The following SLC7A14 variants were observed in gnomAD, a reference collection of about 807,000 sequenced individuals.
SLC7A14 encodes gamma-aminobutyric acid transporter SLC7A14.
Under a neutral mutation model 60.2 loss-of-function variants are expected in SLC7A14, and 37 were observed. The observed-to-expected ratio is 0.61, with a 90% CI of 0.47 to 0.81. SLC7A14 has a LOEUF of 0.81. Ranked by LOEUF, SLC7A14 falls within the 30% of genes least tolerant of loss-of-function variation. The pLI, the probability that SLC7A14 is intolerant of heterozygous loss-of-function variation, is 0.00. For synonymous variants in SLC7A14, 399 were observed against 395.8 expected (o/e 1.01, Z -0.10); for missense variants, 886 against 982.7 (o/e 0.90, Z 1.32).
chr3:170,498,648 G>A lies in SLC7A14; in HGVS notation c.759+19C>T. 1 of 1,612,058 alleles carries A rather than the reference G, an allele frequency of 6.2e-7. No homozygotes were observed. The highest frequency in any genetic ancestry group is 8.5e-7 in the Non-Finnish European group (1 of 1,178,382). The stretch of plus-strand genomic sequence containing the variant: ...GCAGAGTGTGTGACAGGCACACCAG[G>A]TGTTTGGAACAAACTTACCCCTGAC... On this transcript the variant is annotated intron_variant, in intron 4 of 7. Coordinates refer to ENST00000231706, the MANE Select transcript of SLC7A14 (RefSeq NM_020949.3).
intron 4 of SLC7A14, among the ~76,000 whole-genome samples, chr3:170,492,678 C>T (rs1252910114): frequency 6.6e-6 from 1 of 152,136 alleles, no homozygotes; most frequent in Non-Finnish European, 1.5e-5. Flanking sequence ...AGTTAATTGT[C>T]AAAAGCAATG....
rs1033857158 is a variant in SLC7A14 at position 170,497,214 on chromosome 3, GT to G, written c.759+1452del. Among the ~76,000 whole-genome samples, 8 of 152,050 alleles carry G rather than the reference GT, an allele frequency of 5.3e-5. No homozygotes were observed. In the East Asian group the frequency reaches 1.2e-3, roughly 22 times the overall value. ...TCTCTTATATGATAGGAAAGGAACA[GT>G]TTGTATCATAAGATAATATAGATCT... On this transcript the variant is annotated intron_variant, in intron 4 of 7. Transcript: ENST00000231706.
chr3:170,549,606 C>T (rs1244441562), intron 1 of SLC7A14, among the ~76,000 whole-genome samples: 1 of 152,136 alleles, frequency 6.6e-6, no homozygotes, highest in East Asian at 1.9e-4. Context: ...GTTTAAATAT[C>T]GCCAGTGTGA....
rs138794863 is a variant in SLC7A14, at chr3:170,576,697, G to A, written c.-153+9214C>T. On this transcript the variant is annotated intron_variant, in intron 1 of 7. Coordinates refer to ENST00000231706, the MANE Select transcript of SLC7A14 (RefSeq NM_020949.3). The stretch of plus-strand genomic sequence containing the variant: ...CCAGGAACAGCACATTACTTAGAGC[G>A]GTATTTTTCAGTGGGGGTGGAGTGC... Among the ~76,000 whole-genome samples the A allele has an allele frequency of 3.8e-4, 58 of 152,238 alleles. No homozygotes were observed. The East Asian group carries it at 5.0e-3, about 13-fold the overall frequency.
intron 1 of SLC7A14, among the ~76,000 whole-genome samples, chr3:170,550,561 G>A (rs1263164865): frequency 2.0e-5 from 2 of 99,974 alleles, no homozygotes; most frequent in African/African-American, 9.5e-5. Context: ...CGCTTTTGTC[G>A]CCCAGGCTGG....
chr3:170,491,776 A>G (rs1712228890), intron 4 of SLC7A14, among the ~76,000 whole-genome samples: 1 of 152,148 alleles, frequency 6.6e-6, no homozygotes, highest in Non-Finnish European at 1.5e-5. Context: ...TTCTGACTTG[A>G]TAGTATTTCC....
intron 1 of SLC7A14, among the ~76,000 whole-genome samples, chr3:170,545,695 C>A (rs1341087936): frequency 2.6e-5 from 4 of 152,188 alleles, no homozygotes; most frequent in African/African-American, 9.7e-5. Context: ...AAAGTTATAG[C>A]CACCTCAATC....
At chr3:170,541,720 G>A (rs147144133) in intron 1 of SLC7A14, among the ~76,000 whole-genome samples, 1 of 152,266 alleles carries the variant, frequency 6.6e-6, no homozygotes, top group African/African-American at 2.4e-5. Context: ...GTTAAAAATG[G>A]GGAATCTATG....
chr3:170,554,673 G>A (rs1027725183), intron 1 of SLC7A14, among the ~76,000 whole-genome samples: 1 of 152,118 alleles, frequency 6.6e-6, no homozygotes, highest in Non-Finnish European at 1.5e-5. Context: ...TCTGCCCCAC[G>A]GCAGATGTTC....
intron 2 of SLC7A14, among the ~76,000 whole-genome samples, chr3:170,503,613 A>G (rs924325620): frequency 2.0e-5 from 3 of 152,118 alleles, no homozygotes; most frequent in African/African-American, 7.2e-5. Context: ...CAACTTTACC[A>G]CCTGATATTG....
intron 1 of SLC7A14, among the ~76,000 whole-genome samples, chr3:170,581,191 G>T (rs1044053224): frequency 5.9e-5 from 9 of 152,148 alleles, no homozygotes; most frequent in Non-Finnish European, 1.0e-4. Context: ...ATCAATGCAT[G>T]AAATAGAATT....
At chr3:170,573,897 T>C (rs779976578) in intron 1 of SLC7A14, among the ~76,000 whole-genome samples, 4 of 152,222 alleles carry the variant, frequency 2.6e-5, no homozygotes, top group Non-Finnish European at 4.4e-5. Context: ...GGTCCTGCTA[T>C]TAGGAAGGAA....
chr3:170,535,486 TCAGGAATTTAGGCACAAGG>T lies in SLC7A14; in HGVS notation c.-152-8417_-152-8399del, dbSNP rs1425781758. On this transcript the variant is annotated intron_variant, in intron 1 of 7. Transcript: ENST00000231706. The surrounding 1 kb of genome is among the most constrained non-coding windows in gnomAD (Gnocchi z 4.3). ...ATAAATTATTGTAATCTACAGAATA[TCAGGAATTTAGGCACAAGG>T]CAGCTTCAGGGAGTGCGAGTGTCCT... 6.6e-6 allele frequency among the ~76,000 whole-genome samples: 1 copy of T among 152,160 alleles called. No individual in the cohort carries two copies. The highest frequency in any genetic ancestry group is 1.9e-4 in the East Asian group (1 of 5,188).
In SLC7A14 at chr3:170,546,527, T is replaced by G. The variant is rs190513701; in HGVS notation, c.-152-19439A>C. On this transcript the variant is annotated intron_variant, in intron 1 of 7. Transcript: ENST00000231706. ...TAACGGGAAAAAGTTTATATGGTGG[T>G]ATGAACAGAGAAGGAGAAAGAGATA... Among the ~76,000 whole-genome samples the G allele has an allele frequency of 3.4e-3, 510 of 152,236 alleles. 4 individuals are homozygous for G. The highest frequency in any genetic ancestry group is 0.01 in the Middle Eastern group (3 of 294).
intron 2 of SLC7A14, among the ~76,000 whole-genome samples, chr3:170,505,476 T>G (rs1049338121): frequency 6.6e-6 from 1 of 152,200 alleles, no homozygotes; most frequent in African/African-American, 2.4e-5. Context: ...AAAAATCAAG[T>G]GCGTAGGAAG....
rs1308518515 is a variant in SLC7A14 at position 170,462,270 on chromosome 3, C to T, written c.*4785G>A. On this transcript the variant is annotated 3_prime_UTR_variant, in exon 8 of 8. Transcript: ENST00000231706. The stretch of plus-strand genomic sequence containing the variant: ...CCTGATGTAGCTTCTGTTTATGTTG[C>T]AGATAAGAGGTGGTTTCTTGTAAGG... The T allele has an allele frequency of 1.3e-5, 2 of 152,244 alleles. No individual in the cohort carries two copies. Among genetic ancestry groups the T allele is most frequent in the East Asian group, 3.9e-4 (2 of 5,188 alleles). The allele number at this position is 152,244 out of a possible 1,614,324, so 9.4% of individuals were successfully genotyped here.
At chr3:170,513,080 G>T (rs1169087894) in intron 2 of SLC7A14, among the ~76,000 whole-genome samples, 1 of 152,052 alleles carries the variant, frequency 6.6e-6, no homozygotes, top group Non-Finnish European at 1.5e-5. Flanking sequence ...TAGCTAAGTA[G>T]CTCCTACTGA....
intron 1 of SLC7A14, among the ~76,000 whole-genome samples, chr3:170,555,630 C>T (rs1331629628): frequency 2.6e-5 from 4 of 152,102 alleles, no homozygotes; most frequent in Non-Finnish European, 1.5e-5. Flanking sequence ...GCCTGTTGCT[C>T]CTAGGCTATA....
intron 2 of SLC7A14, among the ~76,000 whole-genome samples, chr3:170,521,797 T>C (rs1713345143): frequency 6.6e-6 from 1 of 152,066 alleles, no homozygotes; most frequent in African/African-American, 2.4e-5. Flanking sequence ...GTCATGCACC[T>C]GTAGTCCCAG....
Sources: allele counts gnomAD v4.1 joint callset (sites outside exome capture counted in the v4.1 genomes callset), GRCh38; gene constraint gnomAD v4.1.1; non-coding constraint Gnocchi (gnomAD v3.1); transcripts MANE v1.5; gene names NCBI Gene and HGNC (gene_info 2026-07-23, HGNC 2026-07-21).